The following WWOX variants were observed in gnomAD, a reference collection of about 807,000 sequenced individuals.
WWOX encodes WW domain containing oxidoreductase, also known as WW domain-containing oxidoreductase.
In WWOX, 69 loss-of-function variants were observed where a neutral mutation model predicts 46.2. The ratio of observed to expected loss-of-function variants is 1.49; its 90% CI spans 1.23 to 1.82. The LOEUF (loss-of-function observed/expected upper bound fraction) is 1.82. Among genes scored for constraint, WWOX ranks in the 40% most tolerant of loss-of-function variants. The pLI is 0.00. For synonymous variants in WWOX, 359 were observed against 202.6 expected, an observed-to-expected ratio of 1.77 and a Z score of -6.56; for missense variants, 919 against 542.6, an observed-to-expected ratio of 1.69 and a Z score of -6.89.
chr16:78,515,626 G>A (rs1472226033), intron 8 of WWOX, among the ~76,000 whole-genome samples: 1 of 152,202 alleles, frequency 6.6e-6, no homozygotes, highest in Non-Finnish European at 1.5e-5. Flanking sequence ...ATGCCTAGGT[G>A]AGATGGAAAG....
intron 6 of WWOX, among the ~76,000 whole-genome samples, chr16:78,405,076 C>G (rs2082495388): frequency 6.6e-6 from 1 of 152,098 alleles, no homozygotes; most frequent in South Asian, 2.1e-4. Flanking sequence ...GCTGGGACTG[C>G]TGATGATGGG....
intron 8 of WWOX, chr16:78,535,062 T>A (rs1361570218): frequency 1.3e-5 from 2 of 152,284 alleles, no homozygotes; most frequent in East Asian, 3.9e-4. Context: ...GCACCCAAGT[T>A]CCTGTCCGCT....
intron 8 of WWOX, among the ~76,000 whole-genome samples, chr16:79,031,875 T>C (rs2047764516): frequency 2.0e-5 from 1 of 50,800 alleles, no homozygotes; most frequent in African/African-American, 4.4e-5. Flanking sequence ...TAGATATCTA[T>C]ATACAGATAT....
At chr16:79,125,349 G>A (rs1284094366) in intron 8 of WWOX, among the ~76,000 whole-genome samples, 2 of 152,240 alleles carry the variant, frequency 1.3e-5, no homozygotes, top group Non-Finnish European at 2.9e-5. Context: ...TGCTCATAGC[G>A]TCCAATAGCA....
At position 78,871,758 on chromosome 16, in the gene WWOX, C is replaced by G. The variant is rs919091734; in HGVS notation, c.1057-339850C>G. 3.3e-5 allele frequency among the ~76,000 whole-genome samples: 5 copies of G among 152,286 alleles called. No individual in the cohort carries two copies. The East Asian group carries it at 9.7e-4, about 29-fold the overall frequency. On this transcript the variant is annotated intron_variant, in intron 8 of 8. Transcript: ENST00000566780. ...GGGACTACAGGCAGGCACCACCATACCCACCTAATTTTTTGTATCTTTTTT... is the reference window on the plus strand; with the variant it reads ...GGGACTACAGGCAGGCACCACCATAGCCACCTAATTTTTTGTATCTTTTTT...
chr16:79,156,833 C>CCTT lies in WWOX; in HGVS notation c.1057-54774_1057-54772dup, dbSNP rs201970133. On this transcript the variant is annotated intron_variant, in intron 8 of 8. Coordinates refer to ENST00000566780, the MANE Select transcript of WWOX (RefSeq NM_016373.4). Reference sequence around the variant, plus strand: ...AGTTTAAACACTTGCTGAAAGAAGACCTTTTATTTCATCTTCTCTACAGGC... The same window carrying CCTT: ...AGTTTAAACACTTGCTGAAAGAAGACCTTCTTTTATTTCATCTTCTCTACAGGC... Among the ~76,000 whole-genome samples, 838 of 152,048 alleles carry CCTT rather than the reference C, an allele frequency of 5.5e-3. 11 individuals carry two copies. The highest frequency in any genetic ancestry group is 5.3e-3 in the Non-Finnish European group (358 of 68,010).
chr16:78,783,890 A>ATGG (rs1451275000), intron 8 of WWOX, among the ~76,000 whole-genome samples: 1 of 151,044 alleles, frequency 6.6e-6, no homozygotes, highest in Non-Finnish European at 1.5e-5. Context: ...GATAATGGTG[A>ATGG]TGATGGTGAT....
intron 8 of WWOX, among the ~76,000 whole-genome samples, chr16:79,132,021 C>T (rs1022398308): frequency 6.6e-6 from 1 of 152,024 alleles, no homozygotes; most frequent in African/African-American, 2.4e-5. Context: ...AGTTGTCTCC[C>T]TCCAGGTCCC....
chr16:78,190,865 A>T (rs1400019682), intron 5 of WWOX, among the ~76,000 whole-genome samples: 1 of 152,082 alleles, frequency 6.6e-6, no homozygotes, highest in East Asian at 1.9e-4. Context: ...GGTTCGCTAT[A>T]CTTTAGTTCC....
At chr16:78,695,797 C>G (rs2048085951) in intron 8 of WWOX, among the ~76,000 whole-genome samples, 2 of 152,218 alleles carry the variant, frequency 1.3e-5, no homozygotes, top group Non-Finnish European at 1.5e-5. Context: ...TGAGCATTGA[C>G]CAGGTGCCCA....
chr16:78,561,964 C>G (rs1404309471), intron 8 of WWOX, among the ~76,000 whole-genome samples: 2 of 120,946 alleles, frequency 1.7e-5, no homozygotes, highest in African/African-American at 8.4e-5. Context: ...AGCGCAATGA[C>G]TTTTGCACCA....
At chr16:78,251,513 T>A (rs1256385031) in intron 5 of WWOX, among the ~76,000 whole-genome samples, 1 of 152,204 alleles carries the variant, frequency 6.6e-6, no homozygotes, top group Admixed American at 6.5e-5. Flanking sequence ...CCCATCCAAC[T>A]GAGCAGCACC....
intron 8 of WWOX, among the ~76,000 whole-genome samples, chr16:78,647,041 C>G (rs189129579): frequency 6.6e-6 from 1 of 152,216 alleles, no homozygotes; most frequent in East Asian, 1.9e-4. Context: ...CCTTTTGAGC[C>G]CAGCTCTCCC....
intron 8 of WWOX, among the ~76,000 whole-genome samples, chr16:79,151,640 GC>G (rs2050281096): frequency 6.6e-6 from 1 of 151,964 alleles, no homozygotes; most frequent in African/African-American, 2.4e-5. Context: ...GAATGCAGAG[GC>G]CATGCCTGCA....
In WWOX at chr16:78,786,208, C is replaced by G. The variant is rs531290010; in HGVS notation, c.1056+353456C>G. 1.1e-4 allele frequency among the ~76,000 whole-genome samples: 16 copies of G among 152,282 alleles called. No homozygotes were observed. In the South Asian group the frequency reaches 3.1e-3, roughly 30 times the overall value. ...TACAGGCGTGAGCCACCGCGCCTGG[C>G]CTGAATTAATATTTTCTACCCCACT... On this transcript the variant is annotated intron_variant, in intron 8 of 8. Transcript: ENST00000566780.
intron 8 of WWOX, among the ~76,000 whole-genome samples, chr16:78,820,464 A>G (rs925074786): frequency 1.3e-5 from 2 of 152,142 alleles, no homozygotes; most frequent in Non-Finnish European, 2.9e-5. Context: ...TTTCTTACTG[A>G]TGATCTGAGA....
intron 8 of WWOX, among the ~76,000 whole-genome samples, chr16:78,692,386 G>A (rs1162313959): frequency 6.6e-6 from 1 of 152,192 alleles, no homozygotes; most frequent in Admixed American, 6.5e-5. Context: ...CCTTACCAAA[G>A]TGTACATTGC....
At chr16:78,816,853 G>T (rs1261683009) in intron 8 of WWOX, among the ~76,000 whole-genome samples, 2 of 152,036 alleles carry the variant, frequency 1.3e-5, no homozygotes, top group African/African-American at 4.8e-5. Context: ...ATCTATTTCA[G>T]TTTCCAAAAT....
chr16:78,652,089 A>G (rs770741132), intron 8 of WWOX, among the ~76,000 whole-genome samples: 6 of 152,150 alleles, frequency 3.9e-5, no homozygotes, highest in Non-Finnish European at 5.9e-5. Context: ...TCCAGAAGCC[A>G]GCTTGAGACC....
Sources: allele counts gnomAD v4.1 joint callset (sites outside exome capture counted in the v4.1 genomes callset), GRCh38; gene constraint gnomAD v4.1.1; transcripts MANE v1.5; gene names NCBI Gene and HGNC (gene_info 2026-07-23, HGNC 2026-07-21).